Variants in NRG3 observed in about 807,000 individuals in gnomAD.
NRG3 encodes the protein pro-neuregulin-3, membrane-bound isoform.
A neutral mutation model predicts 66.9 loss-of-function variants in NRG3; 31 were observed. The ratio of observed to expected loss-of-function variants is 0.46; its 90% confidence interval spans 0.35 to 0.63. The LOEUF (loss-of-function observed/expected upper bound fraction) is 0.63, where lower values mean the gene tolerates loss of function less well. NRG3 is among the 20% of genes least tolerant of loss of function. NRG3 has a pLI of 0.00. For synonymous variants in NRG3, 393 were observed against 359.4 expected, an observed-to-expected ratio of 1.09 and a Z score of -1.06; for missense variants, 910 against 878.9, an observed-to-expected ratio of 1.04 and a Z score of -0.45.
intron 2 of NRG3, among the ~76,000 whole-genome samples, chr10:82,586,347 G>T (rs2046668009): frequency 6.6e-6 from 1 of 151,944 alleles, no homozygotes; most frequent in Admixed American, 6.6e-5. Context: ...GCTGTTTGAT[G>T]CTCTAACAAA....
At chr10:82,565,480 T>A (rs2045338168) in intron 2 of NRG3, among the ~76,000 whole-genome samples, 2 of 152,224 alleles carry the variant, frequency 1.3e-5, no homozygotes, top group South Asian at 4.1e-4. Context: ...GTAACAGCCT[T>A]GACTTTCATC....
At chr10:82,958,682 TG>T (rs2132437781) in intron 5 of NRG3, among the ~76,000 whole-genome samples, 1 of 152,284 alleles carries the variant, frequency 6.6e-6, no homozygotes, top group South Asian at 2.1e-4. Flanking sequence ...CTTGCATCTA[TG>T]GGGGCCAGGG....
chr10:82,086,150 A>T (rs1441775339), intron 1 of NRG3, among the ~76,000 whole-genome samples: 2 of 152,160 alleles, frequency 1.3e-5, no homozygotes, highest in Admixed American at 6.5e-5. Flanking sequence ...ATTTTACAGT[A>T]AGTTGGTTAT....
intron 2 of NRG3, among the ~76,000 whole-genome samples, chr10:82,397,600 C>T (rs1034745721): frequency 2.0e-5 from 3 of 152,136 alleles, no homozygotes; most frequent in Non-Finnish European, 4.4e-5. Context: ...GCAAAAGCCA[C>T]TGGCCAGCTT....
rs367893588 is a variant in NRG3 at position 82,451,644 on chromosome 10, C to T, written c.953+92776C>T. On this transcript the variant is annotated intron_variant, in intron 2 of 8. Coordinates refer to ENST00000372141, the MANE Select transcript of NRG3 (RefSeq NM_001010848.4). ...CAAATGTAAATAAAATCAATAACAG[C>T]GACTGAAAAATCTTAACAGGGAATG... Among the ~76,000 whole-genome samples the T allele has an allele frequency of 8.2e-4, 125 of 152,154 alleles. 1 individual carries two copies. Among genetic ancestry groups the T allele is most frequent in the African/African-American group, 2.9e-3 (120 of 41,528 alleles).
intron 2 of NRG3, among the ~76,000 whole-genome samples, chr10:82,516,959 T>A (rs1845715247): frequency 6.6e-6 from 1 of 152,192 alleles, no homozygotes; most frequent in African/African-American, 2.4e-5. Context: ...CAATCACCAG[T>A]AAAGCATATA....
At chr10:82,062,137 C>T (rs2064188024) in intron 1 of NRG3, among the ~76,000 whole-genome samples, 1 of 152,000 alleles carries the variant, frequency 6.6e-6, no homozygotes, top group African/African-American at 2.4e-5. Flanking sequence ...CCAAGCAGCC[C>T]GGGAAACAAA....
chr10:82,661,209 C>T (rs112443226), intron 2 of NRG3, among the ~76,000 whole-genome samples: 2 of 152,102 alleles, frequency 1.3e-5, no homozygotes, highest in Non-Finnish European at 2.9e-5. Flanking sequence ...AGCTAGGATA[C>T]AGTAGTTACA....
chr10:82,379,666 C>G (rs1473387782), intron 2 of NRG3, among the ~76,000 whole-genome samples: 2 of 151,886 alleles, frequency 1.3e-5, no homozygotes, highest in East Asian at 3.9e-4. Flanking sequence ...AAGAAGGACT[C>G]TGGTTTAATA....
chr10:82,887,878 G>A (rs1305129653), intron 4 of NRG3, among the ~76,000 whole-genome samples: 3 of 152,212 alleles, frequency 2.0e-5, no homozygotes, highest in Admixed American at 1.3e-4. Context: ...TATATTAAAA[G>A]AATTTGTGGT....
intron 6 of NRG3, among the ~76,000 whole-genome samples, chr10:82,968,967 C>T (rs1851473461): frequency 1.3e-5 from 2 of 152,142 alleles, no homozygotes; most frequent in African/African-American, 2.4e-5. Context: ...AAAGGTTTTC[C>T]CTTATAAAAC....
chr10:82,406,542 A>C (rs2087535031), intron 2 of NRG3, among the ~76,000 whole-genome samples: 1 of 152,178 alleles, frequency 6.6e-6, no homozygotes, highest in South Asian at 2.1e-4. Flanking sequence ...TCAGACTCTT[A>C]AAGGTTTCAC....
At chr10:82,431,971 A>C (rs1590106031) in intron 2 of NRG3, among the ~76,000 whole-genome samples, 2 of 152,298 alleles carry the variant, frequency 1.3e-5, no homozygotes, top group East Asian at 1.9e-4. Flanking sequence ...ATTGCACAGG[A>C]TGGATCTGTT....
intron 2 of NRG3, among the ~76,000 whole-genome samples, chr10:82,524,397 T>C (rs1362630181): frequency 6.6e-6 from 1 of 151,978 alleles, no homozygotes; most frequent in Non-Finnish European, 1.5e-5. Context: ...TCATAATTGT[T>C]TTCCTTATTC....
At chr10:82,741,155 C>T (rs188247112) in intron 3 of NRG3, among the ~76,000 whole-genome samples, 1 of 152,236 alleles carries the variant, frequency 6.6e-6, no homozygotes, top group East Asian at 1.9e-4. Flanking sequence ...TTGCATTCAT[C>T]CATGCACACG....
chr10:82,178,634 T>G (rs565995633), intron 1 of NRG3, among the ~76,000 whole-genome samples: 26 of 152,240 alleles, frequency 1.7e-4, no homozygotes, highest in African/African-American at 6.3e-4. Context: ...GTCATTTAGG[T>G]TTTTTATATC....
chr10:82,064,707 A>G lies in NRG3; in HGVS notation c.823+188544A>G, dbSNP rs142576885. Among the ~76,000 whole-genome samples the G allele has an allele frequency of 7.2e-4, 109 of 152,290 alleles. 1 individual carries two copies. The East Asian group carries it at 0.019, about 27-fold the overall frequency. ...AAGAGAATGCCCCAAAAGTTCCTGA[A>G]GTTCTGGTAAGTGCTGATGGAAGGG... On this transcript the variant is annotated intron_variant, in intron 1 of 8. Transcript: ENST00000372141.
intron 2 of NRG3, among the ~76,000 whole-genome samples, chr10:82,614,163 T>G (rs1317334553): frequency 1.3e-5 from 2 of 152,014 alleles, no homozygotes; most frequent in African/African-American, 4.8e-5. Context: ...CTCCCAAAGC[T>G]CTGGGATTAT....
chr10:82,418,559 T>C (rs561309773), intron 2 of NRG3, among the ~76,000 whole-genome samples: 2 of 151,524 alleles, frequency 1.3e-5, no homozygotes, highest in South Asian at 2.2e-4. Flanking sequence ...AGTTATGACA[T>C]TATGTTATTT....
Sources: allele counts gnomAD v4.1 joint callset (sites outside exome capture counted in the v4.1 genomes callset), GRCh38; gene constraint gnomAD v4.1.1; transcripts MANE v1.5; gene names NCBI Gene and HGNC (gene_info 2026-07-23, HGNC 2026-07-21).